PRSS37: variants seen among roughly 807,000 people sequenced by gnomAD.
The protein encoded by PRSS37 is serine protease 37.
PRSS37 carries 25 observed loss-of-function variants against 28.0 expected under a neutral mutation model. The observed-to-expected ratio is 0.89, with a 90% CI of 0.65 to 1.25. The LOEUF is 1.25. PRSS37 is among the 50% of genes most tolerant of loss of function. PRSS37 has a pLI of 0.00. For synonymous variants in PRSS37, 109 were observed against 107.8 expected, an observed-to-expected ratio of 1.01 and a Z score of -0.07; for missense variants, 282 against 292.2, an observed-to-expected ratio of 0.97 and a Z score of 0.25.
chr7:141,839,457 T>G lies in PRSS37; in HGVS notation c.57A>C (p.Ser19=). The G allele has an allele frequency of 1.2e-6, 2 of 1,613,100 alleles. No individual in the cohort carries two copies. The highest frequency in any genetic ancestry group is 1.7e-6 in the Non-Finnish European group (2 of 1,179,306). ...VLAGTFFFAD[S]SVQKEDPAPY... ...GAGCAGGGTCTTCTTTCTGAACAGA[T>G]GAGTCAGCAAAGAAAAATGTCCCTG... Residue 19 remains serine (S), a synonymous_variant, in exon 2 of 5, where the codon TCA becomes TCC. Transcript: ENST00000350549.
At chr7:141,837,330 T>A in intron 3 of PRSS37, 82 bp from the exon 4 acceptor site, 1 of 1,463,824 alleles carries the variant, frequency 6.8e-7, no homozygotes, top group Non-Finnish European at 9.2e-7. Flanking sequence ...CTATTTCAAC[T>A]GGTATCTTTT....
intron 2 of PRSS37, 72 bp downstream of exon 2, chr7:141,839,266 C>T: frequency 2.7e-6 from 4 of 1,506,046 alleles, no homozygotes; most frequent in Admixed American, 1.9e-5. Flanking sequence ...AGAGAAGTTA[C>T]CCTTATATGA....
rs200031191 is a variant in PRSS37 at position 141,837,919 on chromosome 7, T to C, written c.371A>G (p.Asn124Ser). 164 of 1,613,918 alleles carry C rather than the reference T, an allele frequency of 1.0e-4. 1 individual carries two copies. Among genetic ancestry groups the C allele is most frequent in the Middle Eastern group, 9.9e-4 (6 of 6,084 alleles). Residue 124 changes from asparagine to serine, a missense_variant, in exon 3 of 5, where the codon AAT becomes AGT. By Grantham distance (46) the Asn-to-Ser change is conservative (BLOSUM62 1). Coordinates refer to ENST00000350549, the MANE Select transcript of PRSS37 (RefSeq NM_001008270.3). The part of the protein sequence containing the change: ...KVQPLTLATT[N>S]VRPGTVCLLS... ...TAGACAGACAGTGCCTGGCCTGACA[T>C]TGGTGGTGGCGAGGGTAAGGGGCTG...
At chr7:141,839,033 AC>A (rs1489688632) in intron 2 of PRSS37, 1 of 538,816 alleles carries the variant, frequency 1.9e-6, no homozygotes, top group Non-Finnish European at 3.5e-6. Context: ...AAAGAAAAAA[AC>A]TTATGAGAGT....
chr7:141,838,918 T>A, intron 2 of PRSS37: 1 of 447,816 alleles, frequency 2.2e-6, no homozygotes, highest in African/African-American at 2.0e-5. Flanking sequence ...TTGCAATTGG[T>A]TCCTTCTTAA....
At position 141,837,115 on chromosome 7, in the gene PRSS37, A is replaced by C. The variant is rs149229270; in HGVS notation, c.564T>G (p.Phe188Leu). 9.6e-5 allele frequency: 154 copies of C among 1,612,490 alleles called. No homozygotes were observed. The highest frequency in any genetic ancestry group is 1.2e-4 in the Non-Finnish European group (143 of 1,179,526). ...CTGAATATAGAGATAAGATTACCCC[A>C]AAAATTCGGCTGAATACTTTCACAA... is the stretch of plus-strand genomic sequence containing the variant. ...VKFVKVFSRIFGEVAVATVIC... is the reference protein window; with the variant it reads ...VKFVKVFSRILGEVAVATVIC... Residue 188 changes from phenylalanine to leucine, a missense_variant, in exon 4 of 5, where the codon TTT becomes TTG. Transcript: ENST00000350549.
In PRSS37 at chr7:141,839,075, C is replaced by A. The variant is rs142695541; in HGVS notation, c.176+263G>T. On this transcript the variant is annotated intron_variant, in intron 2 of 4. Transcript: ENST00000350549. ...GAGGCATAACATGTAACACAGGGTT[C>A]CTCAACAGTGGCACTATTGCTGTTC... The A allele has an allele frequency of 1.2e-4, 72 of 618,732 alleles. No homozygotes were observed. The East Asian group carries it at 2.2e-3, about 19-fold the overall frequency. 38.3% of individuals were successfully genotyped at this position (618,732 alleles called of 1,614,324 possible).
rs78862925 is a variant in PRSS37 at position 141,838,069 on chromosome 7, T to A, written c.221A>T (p.Asp74Val). ...MLGNFKSRVR[D>V]GTEQTINPIQ... ...GGGGTTAATTGTCTGTTCAGTACCG[T>A]CTCTGACTCTGCTCTTGAAATTTCC... Residue 74 changes from aspartate (D) to valine (V), a missense_variant, in exon 3 of 5, where the codon GAC becomes GTC. By Grantham distance (152) the Asp-to-Val change is radical (BLOSUM62 -3). Coordinates refer to ENST00000350549, the MANE Select transcript of PRSS37 (RefSeq NM_001008270.3). 1.2e-3 allele frequency: 1,885 copies of A among 1,614,074 alleles called. 23 individuals carry two copies. In the African/African-American group the frequency reaches 0.023, roughly 19 times the overall value.
chr7:141,838,402 G>T, intron 2 of PRSS37: 1 of 1,267,494 alleles, frequency 7.9e-7, no homozygotes, highest in South Asian at 2.0e-5. Context: ...TGCATGTCAA[G>T]GAAATGTAAT....
Position 141,836,345 on chromosome 7 carries a change from T to C in PRSS37, c.*50A>G. ...TTTGAATAGAGGGAAAATTATCTGCTTGTATAGTCCATGGCAGAGCCAGTG... is the reference window on the plus strand; with the variant it reads ...TTTGAATAGAGGGAAAATTATCTGCCTGTATAGTCCATGGCAGAGCCAGTG... On this transcript the variant is annotated 3_prime_UTR_variant, in exon 5 of 5. Coordinates refer to ENST00000350549, the MANE Select transcript of PRSS37 (RefSeq NM_001008270.3). 6.3e-7 allele frequency: 1 copy of C among 1,581,816 alleles called. No individual in the cohort carries two copies. Among genetic ancestry groups the C allele is most frequent in the Admixed American group, 1.7e-5 (1 of 57,720 alleles).
chr7:141,836,999 T>A, intron 4 of PRSS37, 113 bp downstream of exon 4: 1 of 1,116,562 alleles, frequency 9.0e-7, no homozygotes. Flanking sequence ...TGCAGCAGCC[T>A]TATCAAATTC....
chr7:141,838,887 C>T (rs1801061461), intron 2 of PRSS37: 1 of 429,614 alleles, frequency 2.3e-6, no homozygotes, highest in African/African-American at 2.1e-5. Context: ...TTAATATTGT[C>T]CCTTTAATGT....
In PRSS37 at chr7:141,836,387, G is replaced by C; in HGVS notation, c.*8C>G. 1 of 1,613,690 alleles carries C rather than the reference G, an allele frequency of 6.2e-7. No homozygotes were observed. Among genetic ancestry groups the C allele is most frequent in the Non-Finnish European group, 8.5e-7 (1 of 1,179,632 alleles). ...GAGCCAGTGGAATGCAGAGGGAGAA[G>C]TAGGGTCTCACTTGTCCTTAGCAGT... is the stretch of plus-strand genomic sequence containing the variant. On this transcript the variant is annotated 3_prime_UTR_variant, in exon 5 of 5. Coordinates refer to ENST00000350549, the MANE Select transcript of PRSS37 (RefSeq NM_001008270.3).
At chr7:141,837,730 A>G in intron 3 of PRSS37, 130 bp downstream of exon 3, 1 of 1,546,804 alleles carries the variant, frequency 6.5e-7, no homozygotes. Flanking sequence ...TTGCCAGACC[A>G]CTCAGGTAGC....
chr7:141,841,164 C>T lies in PRSS37; in HGVS notation c.-115G>A, dbSNP rs543721443. 7.7e-6 allele frequency: 12 copies of T among 1,561,120 alleles called. No individual in the cohort carries two copies. The highest frequency in any genetic ancestry group is 1.8e-4 in the Middle Eastern group (1 of 5,588). ...TAGACTCAGTGGCTATGGTTAGATA[C>T]GGAGGCACTCCATGGGATTGGAAAG... On this transcript the variant is annotated 5_prime_UTR_variant, in exon 1 of 5. Transcript: ENST00000350549.
At chr7:141,837,625 G>T in intron 3 of PRSS37, 1 of 1,516,376 alleles carries the variant, frequency 6.6e-7, no homozygotes, top group Non-Finnish European at 8.8e-7. Context: ...GAGTCAGATG[G>T]CCTGGTGGCT....
intron 3 of PRSS37, chr7:141,837,654 C>T: frequency 6.6e-7 from 1 of 1,526,070 alleles, no homozygotes; most frequent in African/African-American, 1.4e-5. Flanking sequence ...CAAAGCCCTG[C>T]AGAGGCAGTG....
rs1800988737 is a variant in PRSS37 at position 141,837,154 on chromosome 7, G to A, written c.525C>T (p.Ser175=). 1 of 1,613,096 alleles carries A rather than the reference G, an allele frequency of 6.2e-7. No homozygotes were observed. The highest frequency in any genetic ancestry group is 1.7e-5 in the Admixed American group (1 of 59,798). ...KTEQGKSHRN[S]LCVKFVKVFS... ...ATACTTTCACAAATTTCACACATAA[G>A]GAATTCCTGTGGCTTTTTCCTTGTT... The change falls in exon 4 of 5, where the codon TCC becomes TCT. Residue 175 remains serine, a synonymous_variant. Coordinates refer to ENST00000350549, the MANE Select transcript of PRSS37 (RefSeq NM_001008270.3).
At chr7:141,839,128 A>G in intron 2 of PRSS37, 1 of 640,346 alleles carries the variant, frequency 1.6e-6, no homozygotes, top group Non-Finnish European at 2.8e-6. Flanking sequence ...TATTGTGGGG[A>G]CTGTGCTGTG....
Sources: gnomAD v4.1 joint callset for allele counts on GRCh38, gnomAD v4.1.1 for gene constraint, MANE v1.5 for transcripts, NCBI Gene and HGNC (gene_info 2026-07-23, HGNC 2026-07-21) for gene names.